Variants in RBFOX1 observed in about 807,000 individuals in gnomAD.
The protein encoded by RBFOX1 is RNA binding fox-1 homolog 1.
In RBFOX1, 8 loss-of-function variants were observed where a neutral mutation model predicts 57.7. That is an observed-to-expected ratio of 0.14 (90% CI 0.08 to 0.25). The LOEUF (loss-of-function observed/expected upper bound fraction) is 0.25. RBFOX1 is among the 10% of genes least tolerant of loss of function. The pLI is 1.00. For synonymous variants in RBFOX1, 326 were observed against 222.4 expected, an observed-to-expected ratio of 1.47 and a Z score of -4.15; for missense variants, 611 against 548.5, an observed-to-expected ratio of 1.11 and a Z score of -1.14.
chr16:7,151,475 G>C (rs1445999047), intron 4 of RBFOX1, among the ~76,000 whole-genome samples: 1 of 152,116 alleles, frequency 6.6e-6, no homozygotes, highest in Non-Finnish European at 1.5e-5. Context: ...CCTGAGTGCT[G>C]ACTTCATTCT....
At chr16:6,927,737 A>T (rs537215034) in intron 3 of RBFOX1, among the ~76,000 whole-genome samples, 3 of 151,996 alleles carry the variant, frequency 2.0e-5, no homozygotes, top group Admixed American at 6.6e-5. Context: ...TCAGTGCCCT[A>T]TGTAAGGCCT....
At chr16:6,467,057 T>C (rs1597656070) in intron 2 of RBFOX1, among the ~76,000 whole-genome samples, 1 of 150,974 alleles carries the variant, frequency 6.6e-6, no homozygotes, top group Non-Finnish European at 1.5e-5. Context: ...ATGTAACATA[T>C]GGGATTTTAT....
intron 2 of RBFOX1, among the ~76,000 whole-genome samples, chr16:6,351,370 ATATTTTT>A (rs2086349028): frequency 9.9e-6 from 1 of 100,540 alleles, no homozygotes; most frequent in African/African-American, 5.2e-5. Flanking sequence ...ATATATATAT[ATATTTTT>A]TTTTTTTTTT....
intron 3 of RBFOX1, among the ~76,000 whole-genome samples, chr16:6,868,686 G>A (rs1490399340): frequency 6.6e-6 from 1 of 152,124 alleles, no homozygotes; most frequent in African/African-American, 2.4e-5. Flanking sequence ...TGGCCAGGCT[G>A]GTCAGAACTT....
intron 2 of RBFOX1, among the ~76,000 whole-genome samples, chr16:6,419,922 G>GGA: frequency 6.6e-6 from 1 of 152,114 alleles, no homozygotes; most frequent in Non-Finnish European, 1.5e-5. Flanking sequence ...TTTAATGCAC[G>GGA]GAGAGTCAAA....
At chr16:5,243,684 T>C (rs2151062737) in intron 1 of RBFOX1, among the ~76,000 whole-genome samples, 1 of 152,218 alleles carries the variant, frequency 6.6e-6, no homozygotes, top group South Asian at 2.1e-4. Flanking sequence ...TGGTCTACAC[T>C]TGTGGAAATG....
At chr16:6,621,077 C>G (rs1194994501) in intron 2 of RBFOX1, among the ~76,000 whole-genome samples, 1 of 152,184 alleles carries the variant, frequency 6.6e-6, no homozygotes, top group Non-Finnish European at 1.5e-5. Context: ...TGGCTTATAG[C>G]CACATCATTT....
chr16:6,758,850 C>G (rs1459362501), intron 3 of RBFOX1, among the ~76,000 whole-genome samples: 1 of 152,060 alleles, frequency 6.6e-6, no homozygotes, highest in African/African-American at 2.4e-5. Context: ...TGTGTTTACC[C>G]TAATTAGATA....
chr16:6,500,886 T>TGTTTGTTTGTTTG (rs796977292), intron 2 of RBFOX1, among the ~76,000 whole-genome samples: 1,631 of 145,538 alleles, frequency 0.011, 19 homozygotes, highest in African/African-American at 0.022. Flanking sequence ...GTTTTTTTTT[T>TGTTTGTTTGTTTG]TTTTTTTTTT....
chr16:7,008,554 A>G (rs1024330246), intron 3 of RBFOX1, among the ~76,000 whole-genome samples: 2 of 151,970 alleles, frequency 1.3e-5, no homozygotes, highest in African/African-American at 4.8e-5. Flanking sequence ...AAAAAGTAGA[A>G]TTCAGTGAAC....
intron 2 of RBFOX1, among the ~76,000 whole-genome samples, chr16:5,557,846 G>T (rs571992463): frequency 1.3e-5 from 2 of 152,176 alleles, no homozygotes; most frequent in East Asian, 1.9e-4. Context: ...CATGCCCCTC[G>T]TCCTGGCCCC....
chr16:7,295,476 C>G (rs1417356475), intron 4 of RBFOX1, among the ~76,000 whole-genome samples: 2 of 152,006 alleles, frequency 1.3e-5, no homozygotes, highest in Non-Finnish European at 2.9e-5. Context: ...ATTTTTATGA[C>G]TTATATATAT....
At chr16:5,827,856 C>G (rs1009620044) in intron 3 of RBFOX1, among the ~76,000 whole-genome samples, 2 of 150,962 alleles carry the variant, frequency 1.3e-5, no homozygotes, top group Non-Finnish European at 3.0e-5. Flanking sequence ...CACCCACCCA[C>G]TCATCCAGGC....
Position 7,707,437 on chromosome 16 carries a change from G to A in RBFOX1, c.996-1619G>A, listed in dbSNP as rs1457363892. ...GAGGGAAAAGGTACGTGCAAATTGG[G>A]CTCTAAGGGATGAGAGACGAGCTGA... On this transcript the variant is annotated intron_variant, in intron 14 of 15. Coordinates refer to ENST00000550418, the MANE Select transcript of RBFOX1 (RefSeq NM_018723.4). Among the ~76,000 whole-genome samples, 3 of 152,250 alleles carry A rather than the reference G, an allele frequency of 2.0e-5. No homozygotes were observed. In the East Asian group the frequency reaches 5.8e-4, roughly 29 times the overall value.
intron 1 of RBFOX1, among the ~76,000 whole-genome samples, chr16:6,020,949 G>A (rs1438100502): frequency 5.3e-5 from 8 of 152,190 alleles, no homozygotes; most frequent in Admixed American, 4.6e-4. Flanking sequence ...TGCTGCCAGG[G>A]AATGGTCAGG....
chr16:6,779,583 A>G (rs1279811913), intron 3 of RBFOX1, among the ~76,000 whole-genome samples: 3 of 148,162 alleles, frequency 2.0e-5, no homozygotes, highest in Admixed American at 7.1e-5. Context: ...TTTTTGAAGA[A>G]CCTCCATACT....
At chr16:6,821,752 G>C (rs1485931070) in intron 3 of RBFOX1, among the ~76,000 whole-genome samples, 1 of 152,170 alleles carries the variant, frequency 6.6e-6, no homozygotes, top group East Asian at 1.9e-4. Flanking sequence ...TTCCACTGTA[G>C]AAATGAACCA....
intron 11 of RBFOX1, among the ~76,000 whole-genome samples, chr16:7,636,065 C>T (rs1420915146): frequency 8.5e-5 from 13 of 152,226 alleles, no homozygotes; most frequent in South Asian, 4.1e-4. Flanking sequence ...CCGCCTTGGC[C>T]GCCCACAGTG....
rs147953456 is a variant in RBFOX1, at chr16:7,663,982, C to T, written c.891-947C>T. On this transcript the variant is annotated intron_variant, in intron 12 of 15. Transcript: ENST00000550418. ...ACCCCTGTCCCCAGCCCTCTGAAGT[C>T]TCTTCTTTCTGGGATGGTCACTACA... Among the ~76,000 whole-genome samples the T allele has an allele frequency of 5.8e-3, 890 of 152,286 alleles. 5 individuals are homozygous for T. Among genetic ancestry groups the T allele is most frequent in the Non-Finnish European group, 9.8e-3 (667 of 68,020 alleles).
Sources: allele counts gnomAD v4.1 joint callset (sites outside exome capture counted in the v4.1 genomes callset), GRCh38; gene constraint gnomAD v4.1.1; transcripts MANE v1.5; gene names NCBI Gene and HGNC (gene_info 2026-07-23, HGNC 2026-07-21).